SDR42E1: variants seen among roughly 807,000 people sequenced by gnomAD.
SDR42E1 encodes short chain dehydrogenase/reductase family 42E, member 1.
A neutral mutation model predicts 2.6 loss-of-function variants in SDR42E1; 5 were observed. The ratio of observed to expected loss-of-function variants is 1.94; its 90% CI spans 1.01 to 4.08. The LOEUF is 4.08. Among genes scored for constraint, SDR42E1 ranks in the 30% most tolerant of loss-of-function variants. The pLI, the probability that SDR42E1 is intolerant of heterozygous loss-of-function variation, is 0.00. For synonymous variants in SDR42E1, 231 were observed against 188.3 expected, an observed-to-expected ratio of 1.23 and a Z score of -1.86; for missense variants, 596 against 478.6, an observed-to-expected ratio of 1.25 and a Z score of -2.29.
chr16:82,003,633 T>G (rs1912841794), intron 1 of SDR42E1, among the ~76,000 whole-genome samples: 3 of 152,224 alleles, frequency 2.0e-5, no homozygotes, highest in African/African-American at 7.2e-5. Flanking sequence ...TTCTCAATAT[T>G]TAGGTCTGCT....
At position 81,989,118 on chromosome 16, in the gene SDR42E1, A is replaced by G. The variant is rs549183491; in HGVS notation, c.*9993T>C. The G allele has an allele frequency of 4.6e-5, 7 of 152,364 alleles. No homozygotes were observed. The highest frequency in any genetic ancestry group is 6.5e-5 in the Admixed American group (1 of 15,306). 9.4% of individuals were successfully genotyped at this position (152,364 alleles called of 1,614,324 possible). A position where few individuals can be genotyped will look rare whatever the true frequency, so the allele number is the denominator to read the frequency against. The stretch of plus-strand genomic sequence containing the variant: ...AGAGTGAAAGGAAGCACTATTAAAA[A>G]TTAAGGTGGGACTACAGGCATGAAA... On this transcript the variant is annotated 3_prime_UTR_variant, in exon 3 of 3. Transcript: ENST00000328945.
chr16:82,008,162 C>T (rs1239338391), intron 1 of SDR42E1, among the ~76,000 whole-genome samples: 1 of 152,258 alleles, frequency 6.6e-6, no homozygotes, highest in Non-Finnish European at 1.5e-5. Context: ...CTTCCTTTGC[C>T]TTCTGCCATG....
intron 1 of SDR42E1, among the ~76,000 whole-genome samples, chr16:82,004,710 C>T (rs1912879483): frequency 6.6e-6 from 1 of 152,160 alleles, no homozygotes; most frequent in South Asian, 2.1e-4. Flanking sequence ...TGTAGGTTTA[C>T]AGCAATGAAC....
chr16:82,003,106 T>G (rs1310053173), intron 1 of SDR42E1, among the ~76,000 whole-genome samples: 5 of 152,176 alleles, frequency 3.3e-5, no homozygotes, highest in South Asian at 2.1e-4. Context: ...AGCAAGTGAC[T>G]GTCTCAGTGG....
chr16:81,993,934 C>T lies in SDR42E1; in HGVS notation c.*5177G>A, dbSNP rs1276717476. 3 of 152,156 alleles carry T rather than the reference C, an allele frequency of 2.0e-5. No homozygotes were observed. The highest frequency in any genetic ancestry group is 3.9e-4 in the East Asian group (2 of 5,182). 9.4% of individuals were successfully genotyped at this position (152,156 alleles called of 1,614,324 possible). On this transcript the variant is annotated 3_prime_UTR_variant, in exon 3 of 3. Coordinates refer to ENST00000328945, the MANE Select transcript of SDR42E1 (RefSeq NM_145168.3). ...TCTCATTTTTTAAGAAAAACTCCAG[C>T]AAATGTTAAATTACCCAGGGACCAA...
At chr16:82,005,773 G>A (rs900675743) in intron 1 of SDR42E1, among the ~76,000 whole-genome samples, 5 of 152,100 alleles carry the variant, frequency 3.3e-5, no homozygotes, top group African/African-American at 1.2e-4. Flanking sequence ...GGCTACATCC[G>A]ACCTGAGCAG....
chr16:82,010,035 C>G (rs973336171), intron 1 of SDR42E1, among the ~76,000 whole-genome samples: 5 of 152,210 alleles, frequency 3.3e-5, no homozygotes, highest in African/African-American at 9.7e-5. Context: ...CCATATAAGA[C>G]GTAAGATGTG....
chr16:82,002,890 C>T (rs1299871463), intron 1 of SDR42E1, among the ~76,000 whole-genome samples: 1 of 152,242 alleles, frequency 6.6e-6, no homozygotes, highest in Non-Finnish European at 1.5e-5. Context: ...ATTCCTTGAG[C>T]TGCCCTTTTT....
chr16:81,999,109 C>T lies in SDR42E1; in HGVS notation c.*2G>A. The stretch of plus-strand genomic sequence containing the variant: ...GTGATCACCTTATTTCTGGCCCCTC[C>T]TTCACAGTGACAGAATCACAGAAGA... On this transcript the variant is annotated 3_prime_UTR_variant, in exon 3 of 3. Transcript: ENST00000328945. 1 of 1,612,342 alleles carries T rather than the reference C, an allele frequency of 6.2e-7. No individual in the cohort carries two copies. The highest frequency in any genetic ancestry group is 8.5e-7 in the Non-Finnish European group (1 of 1,179,236).
At position 81,999,116 on chromosome 16, in the gene SDR42E1, G is replaced by C. The variant is rs200122016; in HGVS notation, c.1177C>G (p.Leu393Val). The change falls in exon 3 of 3, where the codon CTG (leucine) becomes GTG (valine). Residue 393 changes from leucine to valine, a missense_variant. Physicochemically the swap from Leu to Val is conservative, Grantham distance 32. Coordinates refer to ENST00000328945, the MANE Select transcript of SDR42E1 (RefSeq NM_145168.3). ...CCTTATTTCTGGCCCCTCCTTCACA[G>C]TGACAGAATCACAGAAGAAGGCAGC... ...MWLPSSVILS[L>V] 57 of 1,613,070 alleles carry C rather than the reference G, an allele frequency of 3.5e-5. No individual in the cohort carries two copies. Among genetic ancestry groups the C allele is most frequent in the Non-Finnish European group, 8.5e-6 (10 of 1,179,642 alleles).
chr16:82,003,934 G>A (rs756704102), intron 1 of SDR42E1, among the ~76,000 whole-genome samples: 9 of 152,106 alleles, frequency 5.9e-5, no homozygotes, highest in Non-Finnish European at 8.8e-5. Flanking sequence ...AAATTGTGAT[G>A]GGCACAAATT....
At chr16:82,006,697 G>A (rs919100369) in intron 1 of SDR42E1, among the ~76,000 whole-genome samples, 1 of 152,308 alleles carries the variant, frequency 6.6e-6, no homozygotes, top group South Asian at 2.1e-4. Context: ...AGAAGGTTGA[G>A]GCAGGAGAAT....
At position 81,992,856 on chromosome 16, in the gene SDR42E1, G is replaced by C. The variant is rs1335189161; in HGVS notation, c.*6255C>G. The C allele has an allele frequency of 2.0e-5, 3 of 152,016 alleles. No homozygotes were observed. Among genetic ancestry groups the C allele is most frequent in the African/African-American group, 7.3e-5 (3 of 41,378 alleles). 9.4% of individuals were successfully genotyped at this position (152,016 alleles called of 1,614,324 possible). ...TTCAATGAGTTCCTGGTGTGCCCAG[G>C]TTCTAAAATACAGAAGGGTAACATG... On this transcript the variant is annotated 3_prime_UTR_variant, in exon 3 of 3. Coordinates refer to ENST00000328945, the MANE Select transcript of SDR42E1 (RefSeq NM_145168.3).
rs1912965242 is a variant in SDR42E1 at position 82,007,106 on chromosome 16, T to C, written c.-27+4281A>G. ...GGTATTTCCCATCTGTTTCCCAAGC[T>C]ACAGTATAAATGCCATGTGAGTACA... On this transcript the variant is annotated intron_variant, in intron 1 of 2. Transcript: ENST00000328945. Among the ~76,000 whole-genome samples the C allele has an allele frequency of 3.3e-5, 5 of 152,240 alleles. 1 individual carries two copies. In the South Asian group the frequency reaches 1.0e-3, roughly 32 times the overall value.
In SDR42E1 at chr16:82,011,380, C is replaced by A. The variant is rs1207047814; in HGVS notation, c.-27+7G>T. 2 of 152,590 alleles carry A rather than the reference C, an allele frequency of 1.3e-5. No individual in the cohort carries two copies. Among genetic ancestry groups the A allele is most frequent in the Non-Finnish European group, 2.9e-5 (2 of 68,376 alleles). The allele number at this position is 152,590 out of a possible 1,614,324, so 9.5% of individuals were successfully genotyped here. On this transcript the variant is annotated splice_region_variant and intron_variant, in intron 1 of 2. Coordinates refer to ENST00000328945, the MANE Select transcript of SDR42E1 (RefSeq NM_145168.3). ...CGGCCCCCCAACCCCAGCCCAGGCC[C>A]ACTCACAGCTGCAGGAACAAGGGCG...
rs745382816 is a variant in SDR42E1, at chr16:81,999,978, G to A, written c.315C>T (p.Asn105=). 6.2e-7 allele frequency: 1 copy of A among 1,614,234 alleles called. No homozygotes were observed. The highest frequency in any genetic ancestry group is 8.5e-7 in the Non-Finnish European group (1 of 1,180,038). ...TTCTCCTTTGGCAAACCTGGAGGAT[G>A]TTGTCTGTGCCCCTGACGTTGACTT... The part of the protein sequence containing the change: ...IKEVNVRGTD[N]ILQVCQRRRV... Residue 105 remains asparagine (N), a synonymous_variant, in exon 3 of 3, where the codon AAC becomes AAT. Coordinates refer to ENST00000328945, the MANE Select transcript of SDR42E1 (RefSeq NM_145168.3).
In SDR42E1 at chr16:81,999,498, G is replaced by A; in HGVS notation, c.795C>T (p.Phe265=). The A allele has an allele frequency of 6.2e-7, 1 of 1,614,188 alleles. No homozygotes were observed. The highest frequency in any genetic ancestry group is 8.5e-7 in the Non-Finnish European group (1 of 1,180,028). The change falls in exon 3 of 3, where the codon TTC becomes TTT. Residue 265 remains phenylalanine (F), a synonymous_variant. Coordinates refer to ENST00000328945, the MANE Select transcript of SDR42E1 (RefSeq NM_145168.3). ...SDGRPVNNFE[F]FRPLVEGLGY... ...CCAGGCCCTCAACCAGAGGCCGGAA[G>A]AACTCAAAGTTGTTCACGGGTCTGC...
intron 1 of SDR42E1, 85 bp from the exon 2 acceptor site, chr16:82,000,969 C>G: frequency 3.6e-6 from 3 of 833,746 alleles, no homozygotes; most frequent in Non-Finnish European, 5.7e-6. Context: ...AACAAAAAGT[C>G]AATACGCTGT....
intron 1 of SDR42E1, among the ~76,000 whole-genome samples, chr16:82,002,833 A>T (rs1912813331): frequency 6.6e-6 from 1 of 152,226 alleles, no homozygotes; most frequent in South Asian, 2.1e-4. Flanking sequence ...ATGTGCAAAA[A>T]ATGTCCAACA....
Sources: gnomAD v4.1 joint callset for allele counts (sites outside exome capture counted in the v4.1 genomes callset) on GRCh38, gnomAD v4.1.1 for gene constraint, MANE v1.5 for transcripts, NCBI Gene and HGNC (gene_info 2026-07-23, HGNC 2026-07-21) for gene names.